The following ZNF423 variants were observed in gnomAD, a reference collection of about 807,000 sequenced individuals.
The protein encoded by ZNF423 is zinc finger protein 423, also known as Ebf-associated zinc finger protein.
Under a neutral mutation model 95.8 loss-of-function variants are expected in ZNF423, and 12 were observed. The ratio of observed to expected loss-of-function variants is 0.13; its 90% confidence interval spans 0.08 to 0.20. The LOEUF (loss-of-function observed/expected upper bound fraction) is 0.20. Ranked by LOEUF, ZNF423 falls within the 10% of genes least tolerant of loss-of-function variation. The pLI is 1.00. For missense variants in ZNF423, 1,316 were observed against 1,737.1 expected, an observed-to-expected ratio of 0.76 and a Z score of 4.31; for synonymous variants, 749 against 711.9, an observed-to-expected ratio of 1.05 and a Z score of -0.83.
intron 5 of ZNF423, among the ~76,000 whole-genome samples, chr16:49,604,050 G>T (rs370647138): frequency 1.3e-5 from 2 of 152,258 alleles, no homozygotes; most frequent in African/African-American, 4.8e-5. Flanking sequence ...GTACGATACC[G>T]GTGTCTGAGC....
chr16:49,514,338 G>A (rs1968043391), intron 7 of ZNF423, among the ~76,000 whole-genome samples: 1 of 152,000 alleles, frequency 6.6e-6, no homozygotes, highest in African/African-American at 2.4e-5. Context: ...TGTATTTACT[G>A]ACTTATCATC....
At chr16:49,791,078 C>T (rs922854635) in intron 1 of ZNF423, among the ~76,000 whole-genome samples, 44 of 152,290 alleles carry the variant, frequency 2.9e-4, no homozygotes, top group African/African-American at 1.1e-3. Context: ...TCTCTGAACC[C>T]TGAGAAACAG....
intron 5 of ZNF423, among the ~76,000 whole-genome samples, chr16:49,621,517 C>T (rs1045334805): frequency 9.9e-5 from 15 of 152,156 alleles, no homozygotes; most frequent in African/African-American, 3.4e-4. Flanking sequence ...TTTACCGCCC[C>T]GCAGGGGAGC....
intron 1 of ZNF423, among the ~76,000 whole-genome samples, chr16:49,829,369 C>G (rs2035039004): frequency 6.6e-6 from 1 of 152,190 alleles, no homozygotes; most frequent in South Asian, 2.1e-4. Flanking sequence ...AACGAGCCCT[C>G]CTTCTTTGAG....
intron 3 of ZNF423, among the ~76,000 whole-genome samples, chr16:49,646,349 C>T (rs1037988367): frequency 6.6e-6 from 1 of 152,054 alleles, no homozygotes; most frequent in Admixed American, 6.6e-5. Flanking sequence ...CTTGGGAAAC[C>T]AGGGGTACTT....
chr16:49,850,629 C>T (rs977785736), intron 1 of ZNF423, among the ~76,000 whole-genome samples: 3 of 152,200 alleles, frequency 2.0e-5, no homozygotes, highest in Non-Finnish European at 4.4e-5. Context: ...CCAAGTCCAT[C>T]CTAACCTATG....
At chr16:49,502,968 C>T (rs933958735) in intron 7 of ZNF423, among the ~76,000 whole-genome samples, 1 of 151,098 alleles carries the variant, frequency 6.6e-6, no homozygotes, top group Admixed American at 6.6e-5. Flanking sequence ...ATCCCATGCA[C>T]ACTCACACAC....
intron 7 of ZNF423, among the ~76,000 whole-genome samples, chr16:49,502,628 T>A (rs534610877): frequency 1.3e-5 from 2 of 151,476 alleles, no homozygotes; most frequent in African/African-American, 4.8e-5. Context: ...GGACCTGAGA[T>A]CCCTCCCTTC....
chr16:49,711,378 G>A (rs2143133279), intron 3 of ZNF423: 1 of 152,320 alleles, frequency 6.6e-6, no homozygotes, highest in South Asian at 2.1e-4. Context: ...ATAAGAAGTA[G>A]GGAGATGTAC....
chr16:49,789,669 G>T (rs1274857078), intron 1 of ZNF423, 123 bp from the exon 2 acceptor site: 1 of 870,386 alleles, frequency 1.1e-6, no homozygotes, highest in Non-Finnish European at 1.7e-6. Flanking sequence ...ATCACCAGGG[G>T]AGAGGGGGCA....
intron 2 of ZNF423, among the ~76,000 whole-genome samples, chr16:49,788,748 C>T (rs982532926): frequency 1.3e-5 from 2 of 152,210 alleles, no homozygotes; most frequent in African/African-American, 2.4e-5. Context: ...CGGCGCCTGC[C>T]GGACAGGGAG....
intron 1 of ZNF423, among the ~76,000 whole-genome samples, chr16:49,798,610 AT>A (rs112147654): frequency 0.023 from 3,573 of 152,244 alleles, 133 homozygotes; most frequent in African/African-American, 0.082. Context: ...AATACATACA[AT>A]TTTTTTTAAA....
chr16:49,663,401 C>G (rs558239387), intron 3 of ZNF423, among the ~76,000 whole-genome samples: 40 of 152,294 alleles, frequency 2.6e-4, no homozygotes, highest in African/African-American at 7.0e-4. Flanking sequence ...CAGCCCACCC[C>G]CCTCGAGGCC....
rs1364092111 is a variant in ZNF423, at chr16:49,855,576, G to A, written c.40+159C>T. 2.1e-5 allele frequency among the ~76,000 whole-genome samples: 3 copies of A among 142,604 alleles called. No individual in the cohort carries two copies. Among genetic ancestry groups the A allele is most frequent in the East Asian group, 4.3e-4 (2 of 4,644 alleles). The allele number at this position is 142,604 out of a possible 152,430, so 93.6% of individuals were successfully genotyped here. A position where few individuals can be genotyped will look rare whatever the true frequency, so the allele number is the denominator to read the frequency against. On this transcript the variant is annotated intron_variant, in intron 1 of 7. Coordinates refer to ENST00000563137, the MANE Select transcript of ZNF423 (RefSeq NM_001379286.1). This position sits in a 1 kb window ranked among gnomAD's most constrained non-coding sequence, Gnocchi z 4.7. ...CCCGGCTTCCTCCTCCCCCTCCTCC[G>A]CCTCCGCCTCCGCCTCCGCCTCCTC...
chr16:49,637,444 T>A lies in ZNF423; in HGVS notation c.1732A>T (p.Asn578Tyr), dbSNP rs1347110204. The A allele has an allele frequency of 6.2e-7, 1 of 1,613,824 alleles. No homozygotes were observed. The highest frequency in any genetic ancestry group is 1.3e-5 in the African/African-American group (1 of 74,844). The change falls in exon 4 of 8, where the codon AAC becomes TAC. Residue 578 changes from asparagine to tyrosine, a missense_variant. Physicochemically the swap from Asn to Tyr is moderately radical, Grantham distance 143 (BLOSUM62 -2). This residue lies in a region of ZNF423 where 9 missense variants were observed against 31.8 expected (regional missense o/e 0.28). Coordinates refer to ENST00000563137, the MANE Select transcript of ZNF423 (RefSeq NM_001379286.1). The surrounding 1 kb of genome is among the most constrained non-coding windows in gnomAD (Gnocchi z 5.6). Reference protein sequence around the residue: ...MEVYSCPYCTNSPIFGSILKL... With the variant: ...MEVYSCPYCTYSPIFGSILKL... ...AGGATGGAGCCAAAGATGGGGGAGT[T>A]GGTGCAGTAGGGGCAGGAATAGACC...
chr16:49,509,482 C>T (rs1439570691), intron 7 of ZNF423, among the ~76,000 whole-genome samples: 1 of 152,194 alleles, frequency 6.6e-6, no homozygotes, highest in African/African-American at 2.4e-5. Flanking sequence ...CAGCACCTCG[C>T]CTCTCCTATG....
intron 2 of ZNF423, among the ~76,000 whole-genome samples, chr16:49,743,433 A>T (rs2033456418): frequency 6.6e-6 from 1 of 151,316 alleles, no homozygotes; most frequent in African/African-American, 2.4e-5. Flanking sequence ...AGTTTTGTTC[A>T]CTCTGCTTCC....
chr16:49,574,639 G>A (rs1408849082), intron 5 of ZNF423, among the ~76,000 whole-genome samples: 1 of 152,146 alleles, frequency 6.6e-6, no homozygotes, highest in African/African-American at 2.4e-5. Flanking sequence ...AGCCACTGTT[G>A]CCTCCTGTCA....
chr16:49,588,353 C>T (rs1457590627), intron 5 of ZNF423, among the ~76,000 whole-genome samples: 1 of 152,226 alleles, frequency 6.6e-6, no homozygotes, highest in Non-Finnish European at 1.5e-5. Flanking sequence ...GGGGTGGCAG[C>T]TGGCTCCCGA....
Sources: gnomAD v4.1 joint callset for allele counts (sites outside exome capture counted in the v4.1 genomes callset) on GRCh38, gnomAD v4.1.1 for gene constraint, gnomAD v4.1.1 regional missense constraint, Gnocchi (gnomAD v3.1) non-coding constraint, MANE v1.5 for transcripts, NCBI Gene and HGNC (gene_info 2026-07-23, HGNC 2026-07-21) for gene names.